The following CACNA1B variants were observed in gnomAD, a reference collection of about 807,000 sequenced individuals.
CACNA1B encodes calcium voltage-gated channel subunit alpha1 B.
In CACNA1B, 70 loss-of-function variants were observed where a neutral mutation model predicts 247.2. The observed-to-expected ratio is 0.28, with a 90% CI of 0.23 to 0.35. The LOEUF is 0.35. CACNA1B is among the 10% of genes least tolerant of loss of function. The pLI, the probability that CACNA1B is intolerant of heterozygous loss-of-function variation, is 1.00. For synonymous variants in CACNA1B, 1,231 were observed against 1,294.4 expected, an observed-to-expected ratio of 0.95 and a Z score of 1.05; for missense variants, 2,367 against 3,197.4, an observed-to-expected ratio of 0.74 and a Z score of 6.26.
rs761505830 is a variant in CACNA1B at position 138,121,952 on chromosome 9, C to T, written c.6973C>T (p.Arg2325Ter). The T allele has an allele frequency of 3.1e-6, 5 of 1,604,468 alleles. No homozygotes were observed. Among genetic ancestry groups the T allele is most frequent in the South Asian group, 1.1e-5 (1 of 91,076 alleles). Reference sequence around the variant, plus strand: ...CACCCTGGGACTCAGCTCGGGTGGCCGAGCACGGCACAGCTACCACCACCC... The same window carrying T: ...CACCCTGGGACTCAGCTCGGGTGGCTGAGCACGGCACAGCTACCACCACCC... ...HCTLGLSSGG[R>*]ARHSYHHPDQ... The change falls in exon 47 of 47, where the codon CGA (arginine) becomes TGA (stop). Residue 2325 changes from arginine to a stop codon, truncating the protein, a stop_gained. Transcript: ENST00000371372. LOFTEE classifies it high-confidence loss of function. The surrounding 1 kb of genome is among the most constrained non-coding windows in gnomAD (Gnocchi z 6.8).
chr9:138,043,249 C>T (rs1394819535), intron 20 of CACNA1B, among the ~76,000 whole-genome samples: 1 of 152,116 alleles, frequency 6.6e-6, no homozygotes. Flanking sequence ...AGGCTGGGTC[C>T]CCCTGGGAAG....
In CACNA1B at chr9:137,971,009, A is replaced by T. The variant is rs1958140021; in HGVS notation, c.1334-374A>T. 6.6e-6 allele frequency among the ~76,000 whole-genome samples: 1 copy of T among 152,088 alleles called. No individual in the cohort carries two copies. The highest frequency in any genetic ancestry group is 1.5e-5 in the Non-Finnish European group (1 of 68,024). On this transcript the variant is annotated intron_variant, in intron 10 of 46. Transcript: ENST00000371372. The surrounding 1 kb of genome is among the most constrained non-coding windows in gnomAD (Gnocchi z 4.4). ...GGGCTCTGTGGGCTATGCTGAAGAG[A>T]TGGGATCTGGGGAGGGACTAACTCA...
chr9:138,078,340 C>A, intron 36 of CACNA1B, 82 bp downstream of exon 36: 1 of 1,375,838 alleles, frequency 7.3e-7, no homozygotes, highest in Non-Finnish European at 1.0e-6. Flanking sequence ...TCCTGCTGAT[C>A]CCTGACTCTG....
chr9:137,932,232 C>T (rs976448225), intron 6 of CACNA1B, among the ~76,000 whole-genome samples: 5 of 152,038 alleles, frequency 3.3e-5, no homozygotes, highest in African/African-American at 1.2e-4. Flanking sequence ...TGCTAACTCC[C>T]GTTTCTACTC....
Position 138,014,145 on chromosome 9 carries a change from G to C in CACNA1B, c.2267+910G>C, listed in dbSNP as rs1958761357. On this transcript the variant is annotated intron_variant, in intron 18 of 46. Coordinates refer to ENST00000371372, the MANE Select transcript of CACNA1B (RefSeq NM_000718.4). The surrounding 1 kb of genome is among the most constrained non-coding windows in gnomAD (Gnocchi z 6.2). ...TGTAAGCATGTTGGCATGTGGATGA[G>C]TGTGCTAGGTATGTGTGTGTGATGT... 1.3e-5 allele frequency among the ~76,000 whole-genome samples: 2 copies of C among 152,256 alleles called. No homozygotes were observed. Among genetic ancestry groups the C allele is most frequent in the South Asian group, 4.1e-4 (2 of 4,828 alleles).
rs1215794394 is a variant in CACNA1B at position 138,059,806 on chromosome 9, T to C, written c.4668+69T>C. 2.3e-6 allele frequency: 2 copies of C among 879,176 alleles called. No homozygotes were observed. The highest frequency in any genetic ancestry group is 4.8e-5 in the East Asian group (2 of 41,524). The allele number at this position is 879,176 out of a possible 1,614,324, so 54.5% of individuals were successfully genotyped here. A position where few individuals can be genotyped will look rare whatever the true frequency, so the allele number is the denominator to read the frequency against. On this transcript the variant is annotated intron_variant, in intron 31 of 46. Transcript: ENST00000371372. This position sits in a 1 kb window ranked among gnomAD's most constrained non-coding sequence, Gnocchi z 4.2. Reference sequence around the variant, plus strand: ...TCCTTCTAGAGCCTGCTCCCCTCAGTGCATCTCCAGGCCCTGTGTTAGCCT... The same window carrying C: ...TCCTTCTAGAGCCTGCTCCCCTCAGCGCATCTCCAGGCCCTGTGTTAGCCT...
At chr9:137,963,737 A>G (rs546349054) in intron 10 of CACNA1B, among the ~76,000 whole-genome samples, 60 of 152,264 alleles carry the variant, frequency 3.9e-4, no homozygotes, top group African/African-American at 1.4e-3. Context: ...TCCTGTCATC[A>G]TGATGCTAGC....
rs548916725 is a variant in CACNA1B, at chr9:137,900,653, T to A, written c.531-12527T>A. 3.0e-3 allele frequency among the ~76,000 whole-genome samples: 454 copies of A among 150,480 alleles called. 4 individuals carry two copies. Among genetic ancestry groups the A allele is most frequent in the African/African-American group, 0.01 (429 of 40,882 alleles). The stretch of plus-strand genomic sequence containing the variant: ...TGTCTCTGTGTCTGTGTGTCTGTGC[T>A]GTGTGTCCCTGTGTTTGTGTATGTG... On this transcript the variant is annotated intron_variant, in intron 3 of 46. Coordinates refer to ENST00000371372, the MANE Select transcript of CACNA1B (RefSeq NM_000718.4).
At chr9:138,071,407 ATGG>A (rs1394400949) in intron 32 of CACNA1B, among the ~76,000 whole-genome samples, 1 of 152,174 alleles carries the variant, frequency 6.6e-6, no homozygotes, top group Non-Finnish European at 1.5e-5. Context: ...GCCAGAGGTG[ATGG>A]TGCAGGTGCA....
chr9:138,027,707 TA>T (rs1958938546), intron 20 of CACNA1B, among the ~76,000 whole-genome samples: 1 of 152,226 alleles, frequency 6.6e-6, no homozygotes, highest in Non-Finnish European at 1.5e-5. Context: ...AGAGATCATA[TA>T]TTTTTTTCTC....
At chr9:138,043,479 C>T (rs914984179) in intron 20 of CACNA1B, among the ~76,000 whole-genome samples, 2 of 152,044 alleles carry the variant, frequency 1.3e-5, no homozygotes, top group Non-Finnish European at 2.9e-5. Flanking sequence ...GCATCGAGGC[C>T]CCTCAGCGCG....
At position 138,036,987 on chromosome 9, in the gene CACNA1B, G is replaced by T. The variant is rs1028933730; in HGVS notation, c.3287-6787G>T. On this transcript the variant is annotated intron_variant, in intron 20 of 46. Coordinates refer to ENST00000371372, the MANE Select transcript of CACNA1B (RefSeq NM_000718.4). The stretch of plus-strand genomic sequence containing the variant: ...TTTCAAAAATAACTTTTTACGGTTG[G>T]TTTGAGTCAGGATTCAAATGAGGTT... 5.3e-5 allele frequency among the ~76,000 whole-genome samples: 8 copies of T among 152,100 alleles called. 1 individual carries two copies. In the South Asian group the frequency reaches 6.2e-4, roughly 12 times the overall value.
Position 138,052,249 on chromosome 9 carries a change from C to CGTGTGCGTGTGTGT in CACNA1B, c.3807+66_3807+67insCGTGTGTGTGTGTG, listed in dbSNP as rs1554752989. 1 of 728,578 alleles carries CGTGTGCGTGTGTGT rather than the reference C, an allele frequency of 1.4e-6. No homozygotes were observed. The highest frequency in any genetic ancestry group is 1.9e-5 in the African/African-American group (1 of 53,874). 45.1% of individuals were successfully genotyped at this position (728,578 alleles called of 1,614,324 possible). A position where few individuals can be genotyped will look rare whatever the true frequency, so the allele number is the denominator to read the frequency against. Reference sequence around the variant, plus strand: ...GTGTGTGTGTGCGTGTGTGTGTGTGCGTGTGTGTGTGTGTATGCATGCAGT... The same window carrying CGTGTGCGTGTGTGT: ...GTGTGTGTGTGCGTGTGTGTGTGTGCGTGTGCGTGTGTGTGTGTGTGTGTGTGTATGCATGCAGT... On this transcript the variant is annotated intron_variant, in intron 25 of 46. Coordinates refer to ENST00000371372, the MANE Select transcript of CACNA1B (RefSeq NM_000718.4). The surrounding 1 kb of genome is among the most constrained non-coding windows in gnomAD (Gnocchi z 5.1).
At chr9:138,044,295 T>A (rs1186328327) in intron 21 of CACNA1B, among the ~76,000 whole-genome samples, 1 of 152,258 alleles carries the variant, frequency 6.6e-6, no homozygotes, top group Admixed American at 6.5e-5. Context: ...TGTCCACGCC[T>A]GTGCTTTTCA....
intron 32 of CACNA1B, 91 bp downstream of exon 32, chr9:138,069,854 A>T (rs1960058769): frequency 8.9e-7 from 1 of 1,127,386 alleles, no homozygotes; most frequent in Non-Finnish European, 1.3e-6. Flanking sequence ...ACTCCAGCCC[A>T]CTGCCCTCTA....
rs150052667 is a variant in CACNA1B, at chr9:138,014,755, C to T, written c.2267+1520C>T. ...GCTGTTCCTGGAGGCGAGCACTTGTCCCTTGACCCCTGCTGCCTGCCGGCC... is the reference window on the plus strand; with the variant it reads ...GCTGTTCCTGGAGGCGAGCACTTGTTCCTTGACCCCTGCTGCCTGCCGGCC... On this transcript the variant is annotated intron_variant, in intron 18 of 46. Transcript: ENST00000371372. The surrounding 1 kb of genome is among the most constrained non-coding windows in gnomAD (Gnocchi z 6.2). Among the ~76,000 whole-genome samples the T allele has an allele frequency of 3.5e-3, 539 of 152,080 alleles. 5 individuals are homozygous for T. The highest frequency in any genetic ancestry group is 0.012 in the African/African-American group (503 of 41,498).
At chr9:138,079,154 C>A (rs549016102) in intron 36 of CACNA1B, among the ~76,000 whole-genome samples, 1 of 152,112 alleles carries the variant, frequency 6.6e-6, no homozygotes, top group African/African-American at 2.4e-5. Flanking sequence ...AGGCCACTCC[C>A]GAGACTGCAT....
chr9:137,943,701 C>T (rs979133193), intron 6 of CACNA1B, among the ~76,000 whole-genome samples: 9 of 152,214 alleles, frequency 5.9e-5, no homozygotes, highest in East Asian at 5.8e-4. Context: ...CACAGCCCTC[C>T]GTATTTATTA....
intron 6 of CACNA1B, among the ~76,000 whole-genome samples, chr9:137,924,669 T>G (rs1957530589): frequency 6.6e-6 from 1 of 152,230 alleles, no homozygotes; most frequent in South Asian, 2.1e-4. Context: ...TCAGAACATG[T>G]TATTTCTCTT....
Sources: gnomAD v4.1 joint callset for allele counts (sites outside exome capture counted in the v4.1 genomes callset) on GRCh38, gnomAD v4.1.1 for gene constraint, Gnocchi (gnomAD v3.1) non-coding constraint, MANE v1.5 for transcripts, NCBI Gene and HGNC (gene_info 2026-07-23, HGNC 2026-07-21) for gene names.